Variants in LEO1 observed in about 807,000 individuals in gnomAD.
The protein encoded by LEO1 is LEO1 component of Paf1/RNA polymerase II complex, also known as RNA polymerase-associated protein LEO1.
A neutral mutation model predicts 80.4 loss-of-function variants in LEO1; 34 were observed. That is an observed-to-expected ratio of 0.42 (90% CI 0.32 to 0.56). The LOEUF is 0.56. LEO1 is among the 20% of genes least tolerant of loss of function. The pLI is 0.10. For synonymous variants in LEO1, 262 were observed against 274.9 expected (o/e 0.95, Z 0.46); for missense variants, 631 against 814.2 (o/e 0.77, Z 2.74).
chr15:51,951,080 C>G (rs1186619905), intron 9 of LEO1, among the ~76,000 whole-genome samples: 3 of 152,230 alleles, frequency 2.0e-5, no homozygotes, highest in East Asian at 3.8e-4. Flanking sequence ...AAACCTTCAG[C>G]AGAGCCTGAC....
intron 5 of LEO1, among the ~76,000 whole-genome samples, chr15:51,959,562 T>C (rs2057014478): frequency 6.6e-6 from 1 of 152,326 alleles, no homozygotes; most frequent in African/African-American, 2.4e-5. Flanking sequence ...AGACCAACAA[T>C]AGCTGCTACA....
intron 7 of LEO1, among the ~76,000 whole-genome samples, 184 bp downstream of exon 7, chr15:51,954,297 A>G (rs1455131539): frequency 2.6e-5 from 4 of 151,756 alleles, no homozygotes; most frequent in Non-Finnish European, 5.9e-5. Context: ...TGGGAGGATC[A>G]CTTAGGACTA....
At chr15:51,968,889 T>C (rs1314649453) in intron 1 of LEO1, among the ~76,000 whole-genome samples, 1 of 151,814 alleles carries the variant, frequency 6.6e-6, no homozygotes, top group Admixed American at 6.6e-5. Flanking sequence ...TTGCAAACCA[T>C]GTATCTGATA....
Position 51,962,431 on chromosome 15 carries a change from C to A in LEO1, c.877G>T (p.Ala293Ser). 6.2e-7 allele frequency: 1 copy of A among 1,613,734 alleles called. No individual in the cohort carries two copies. Among genetic ancestry groups the A allele is most frequent in the Non-Finnish European group, 8.5e-7 (1 of 1,179,816 alleles). ...TCACTATCCGCTTCTGAATCAGATG[C>A]AATCGCATTCTTGCGTTTCATTCGT... ...VLRMKRKNAIASDSEADSDTE... is the reference protein window; with the variant it reads ...VLRMKRKNAISSDSEADSDTE... The change falls in exon 3 of 12, where the codon GCA becomes TCA. Residue 293 changes from alanine to serine, a missense_variant. Physicochemically the swap from Ala to Ser is moderately conservative, Grantham distance 99. Transcript: ENST00000299601.
intron 7 of LEO1, among the ~76,000 whole-genome samples, chr15:51,953,610 A>C (rs2056965677): frequency 6.6e-6 from 1 of 151,174 alleles, no homozygotes; most frequent in Non-Finnish European, 1.5e-5. Flanking sequence ...ACAGGACAAG[A>C]CTCCATCTCA....
At chr15:51,940,227 C>T (rs1157716679) in intron 11 of LEO1, among the ~76,000 whole-genome samples, 1 of 141,214 alleles carries the variant, frequency 7.1e-6, no homozygotes, top group Admixed American at 7.6e-5. Context: ...TGCTCTCCAG[C>T]CTGGGCGACA....
At chr15:51,966,561 T>G (rs759094859) in intron 1 of LEO1, 57 bp from the exon 2 acceptor site, 3 of 934,058 alleles carry the variant, frequency 3.2e-6, no homozygotes, top group Non-Finnish European at 5.0e-6. Context: ...AGTAAGGCAG[T>G]CCCAAAGTCC....
At position 51,947,291 on chromosome 15, in the gene LEO1, C is replaced by A; in HGVS notation, c.1896+1G>T. 1.2e-6 allele frequency: 2 copies of A among 1,603,858 alleles called. No homozygotes were observed. The highest frequency in any genetic ancestry group is 1.7e-6 in the Non-Finnish European group (2 of 1,170,744). On this transcript the variant is annotated splice_donor_variant, in intron 11 of 11. Transcript: ENST00000299601. LOFTEE classifies it high-confidence loss of function. ...CTAGAATTGAATAAATTTGGTCTTACCTCATCACTGGTAAGTTTCTTTGCT... is the reference window on the plus strand; with the variant it reads ...CTAGAATTGAATAAATTTGGTCTTAACTCATCACTGGTAAGTTTCTTTGCT...
intron 8 of LEO1, 197 bp from the exon 9 acceptor site, chr15:51,952,176 T>G (rs933469277): frequency 2.2e-6 from 1 of 459,306 alleles, no homozygotes; most frequent in African/African-American, 2.0e-5. Context: ...GACATTCTTA[T>G]TCCACAAATG....
intron 2 of LEO1, among the ~76,000 whole-genome samples, chr15:51,962,959 T>G (rs2057043867): frequency 6.7e-6 from 1 of 149,890 alleles, no homozygotes; most frequent in South Asian, 2.2e-4. Context: ...TAGTGTGTGT[T>G]AATTTAAAAA....
intron 1 of LEO1, among the ~76,000 whole-genome samples, chr15:51,967,914 T>C (rs2057091048): frequency 6.6e-6 from 1 of 152,260 alleles, no homozygotes; most frequent in Admixed American, 6.5e-5. Context: ...CCCGGCGCAG[T>C]GGCTCATGCC....
In LEO1 at chr15:51,960,076, C is replaced by T. The variant is rs540858891; in HGVS notation, c.1015-32G>A. 1.1e-4 allele frequency: 170 copies of T among 1,581,586 alleles called. 3 individuals are homozygous for T. The South Asian group carries it at 1.9e-3, about 17-fold the overall frequency. The stretch of plus-strand genomic sequence containing the variant: ...AAAGAATCGGAAGTTTGGAGCTTGA[C>T]AGGACCTTAGAAATGGCTTCCTTCA... On this transcript the variant is annotated intron_variant, in intron 4 of 11. Coordinates refer to ENST00000299601, the MANE Select transcript of LEO1 (RefSeq NM_138792.4).
chr15:51,969,072 C>T (rs1489490502), intron 1 of LEO1, among the ~76,000 whole-genome samples: 2 of 152,012 alleles, frequency 1.3e-5, no homozygotes, highest in Non-Finnish European at 2.9e-5. Context: ...TCAAGCGATT[C>T]TCCTACCTCA....
intron 5 of LEO1, 122 bp from the exon 6 acceptor site, chr15:51,958,948 C>A (rs1454674350): frequency 1.9e-6 from 1 of 514,628 alleles, no homozygotes. Context: ...TTTTAAAAAT[C>A]ATAATGATCA....
intron 2 of LEO1, among the ~76,000 whole-genome samples, 167 bp downstream of exon 2, chr15:51,965,582 A>G (rs1221221944): frequency 6.6e-6 from 1 of 152,230 alleles, no homozygotes; most frequent in South Asian, 2.1e-4. Context: ...TAAGTGGATT[A>G]GAAAGATTTA....
Position 51,966,223 on chromosome 15 carries a change from T to C in LEO1, c.340A>G (p.Asn114Asp). The C allele has an allele frequency of 6.2e-7, 1 of 1,614,006 alleles. No homozygotes were observed. The highest frequency in any genetic ancestry group is 8.5e-7 in the Non-Finnish European group (1 of 1,180,042). ...VDQHSGSEAP[N>D]DDEDEGHRSD... ...CTATGACCTTCGTCTTCATCATCAT[T>C]AGGGGCTTCTGATCCACTGTGCTGA... Residue 114 changes from asparagine (N) to aspartate (D), a missense_variant, in exon 2 of 12, where the codon AAT becomes GAT. Physicochemically the swap from Asn to Asp is conservative, Grantham distance 23. Coordinates refer to ENST00000299601, the MANE Select transcript of LEO1 (RefSeq NM_138792.4).
intron 2 of LEO1, among the ~76,000 whole-genome samples, chr15:51,965,528 AG>A (rs571424092): frequency 1.3e-5 from 2 of 152,216 alleles, no homozygotes; most frequent in South Asian, 4.1e-4. Context: ...GTTTTCCCCC[AG>A]ACCTATCCAT....
chr15:51,963,132 C>T (rs1433327595), intron 2 of LEO1, among the ~76,000 whole-genome samples: 1 of 151,880 alleles, frequency 6.6e-6, no homozygotes, highest in African/African-American at 2.4e-5. Context: ...AAAAATTAGC[C>T]GGGTGTGGTA....
intron 1 of LEO1, among the ~76,000 whole-genome samples, chr15:51,969,499 G>C (rs2057105321): frequency 6.6e-6 from 1 of 151,432 alleles, no homozygotes; most frequent in African/African-American, 2.4e-5. Context: ...GCAGGGTGTG[G>C]TGGCAGGCGC....
Sources: gnomAD v4.1 joint callset for allele counts (sites outside exome capture counted in the v4.1 genomes callset) on GRCh38, gnomAD v4.1.1 for gene constraint, MANE v1.5 for transcripts, NCBI Gene and HGNC (gene_info 2026-07-23, HGNC 2026-07-21) for gene names.